The following TMEM238 variants were observed in gnomAD, a reference collection of about 807,000 sequenced individuals.
The protein encoded by TMEM238 is transmembrane protein 238.
For synonymous variants in TMEM238, 103 were observed against 111.5 expected (o/e 0.92, Z 0.48); for missense variants, 169 against 206.8 (o/e 0.82, Z 1.12).
rs2089892649 is a variant in TMEM238 at position 55,383,096 on chromosome 19, C to G, written c.*7+626G>C. ...TGGAGAGGATTAAATGGGGCCTGGT[C>G]TGGGCTCAGTGGCTCACGCCTGTAA... On this transcript the variant is annotated intron_variant, in intron 1 of 1. Coordinates refer to ENST00000444469, the MANE Select transcript of TMEM238 (RefSeq NM_001190764.2). This position sits in a 1 kb window ranked among gnomAD's most constrained non-coding sequence, Gnocchi z 4.9. Among the ~76,000 whole-genome samples, 1 of 151,664 alleles carries G rather than the reference C, an allele frequency of 6.6e-6. No homozygotes were observed. Among genetic ancestry groups the G allele is most frequent in the African/African-American group, 2.4e-5 (1 of 41,288 alleles).
At chr19:55,382,394 C>T (rs1157344221) in intron 1 of TMEM238, among the ~76,000 whole-genome samples, 2 of 152,218 alleles carry the variant, frequency 1.3e-5, no homozygotes, top group African/African-American at 2.4e-5. Context: ...CAAGGCACTC[C>T]CTGTCAGGTG....
intron 1 of TMEM238, 137 bp from the exon 2 acceptor site, chr19:55,379,504 CCTT>C (rs1237770724): frequency 2.6e-5 from 4 of 152,306 alleles, no homozygotes; most frequent in Non-Finnish European, 5.9e-5. Flanking sequence ...CACACTTGCT[CCTT>C]CATCCCTGCA....
At chr19:55,380,979 G>A (rs186809270) in intron 1 of TMEM238, among the ~76,000 whole-genome samples, 72 of 152,256 alleles carry the variant, frequency 4.7e-4, no homozygotes, top group Non-Finnish European at 9.7e-4. Flanking sequence ...GTTAGCTTAC[G>A]CTTCACCCGT....
At chr19:55,381,103 A>T (rs111260854) in intron 1 of TMEM238, among the ~76,000 whole-genome samples, 9 of 152,230 alleles carry the variant, frequency 5.9e-5, no homozygotes, top group African/African-American at 2.2e-4. Flanking sequence ...TATAACTGGT[A>T]GCATTCTGGA....
intron 1 of TMEM238, among the ~76,000 whole-genome samples, chr19:55,381,889 C>T (rs2089888407): frequency 6.6e-6 from 1 of 152,158 alleles, no homozygotes; most frequent in Non-Finnish European, 1.5e-5. Flanking sequence ...AGGCAGGGCT[C>T]CCTCTCCAAC....
intron 1 of TMEM238, among the ~76,000 whole-genome samples, chr19:55,382,577 G>A (rs1189619772): frequency 6.6e-6 from 1 of 152,044 alleles, no homozygotes; most frequent in East Asian, 1.9e-4. Context: ...GTGTAGAGAA[G>A]AGCAGGAACA....
At position 55,384,181 on chromosome 19, in the gene TMEM238, G is replaced by T; in HGVS notation, c.79C>A (p.Pro27Thr). 2 of 1,178,890 alleles carry T rather than the reference G, an allele frequency of 1.7e-6. No homozygotes were observed. Among genetic ancestry groups the T allele is most frequent in the Non-Finnish European group, 1.0e-6 (1 of 958,490 alleles). 73.0% of individuals were successfully genotyped at this position (1,178,890 alleles called of 1,614,324 possible). A position where few individuals can be genotyped will look rare whatever the true frequency, so the allele number is the denominator to read the frequency against. Residue 27 changes from proline to threonine, a missense_variant, in exon 1 of 2, where the codon CCC becomes ACC. Physicochemically the swap from Pro to Thr is conservative, Grantham distance 38. Transcript: ENST00000444469. The surrounding 1 kb of genome is among the most constrained non-coding windows in gnomAD (Gnocchi z 5.6). Reference protein sequence around the residue: ...APSAPAAAPAPAAGLGRCRMA... With the variant: ...APSAPAAAPATAAGLGRCRMA... ...CGGCAGCGGCCCAGGCCGGCCGCGG[G>T]TGCTGGCGCGGCCGCCGGCGCGGAC... is the stretch of plus-strand genomic sequence containing the variant.
chr19:55,384,200 C>A lies in TMEM238; in HGVS notation c.60G>T (p.Ala20=). The change falls in exon 1 of 2, where the codon GCG becomes GCT. Residue 20 remains alanine, a synonymous_variant. Coordinates refer to ENST00000444469, the MANE Select transcript of TMEM238 (RefSeq NM_001190764.2). The surrounding 1 kb of genome is among the most constrained non-coding windows in gnomAD (Gnocchi z 5.6). ...SQGSPPGAPS[A]PAAAPAPAAG... Reference sequence around the variant, plus strand: ...CCGCGGGTGCTGGCGCGGCCGCCGGCGCGGACGGTGCACCCGGCGGGCTCC... The same window carrying A: ...CCGCGGGTGCTGGCGCGGCCGCCGGAGCGGACGGTGCACCCGGCGGGCTCC... 8.6e-7 allele frequency: 1 copy of A among 1,166,474 alleles called. No individual in the cohort carries two copies. 72.3% of individuals were successfully genotyped at this position (1,166,474 alleles called of 1,614,324 possible).
chr19:55,384,021 A>G lies in TMEM238; in HGVS notation c.239T>C (p.Phe80Ser), dbSNP rs1489708044. 1 of 1,478,900 alleles carries G rather than the reference A, an allele frequency of 6.8e-7. No individual in the cohort carries two copies. The highest frequency in any genetic ancestry group is 9.0e-7 in the Non-Finnish European group (1 of 1,112,654). The allele number at this position is 1,478,900 out of a possible 1,614,324, so 91.6% of individuals were successfully genotyped here. ...GAGGATCCAGCCCAGCAGGCTCAGG[A>G]ACACCAGCAGCGCGCCCGAGTAGAT... is the stretch of plus-strand genomic sequence containing the variant. ...LLIYSGALLV[F>S]LSLLGWILWY... is the part of the protein sequence containing the mutation. Residue 80 changes from phenylalanine (F) to serine (S), a missense_variant, in exon 1 of 2, where the codon TTC becomes TCC. Coordinates refer to ENST00000444469, the MANE Select transcript of TMEM238 (RefSeq NM_001190764.2). The surrounding 1 kb of genome is among the most constrained non-coding windows in gnomAD (Gnocchi z 5.6).
At chr19:55,380,978 C>T (rs900144819) in intron 1 of TMEM238, among the ~76,000 whole-genome samples, 4 of 152,174 alleles carry the variant, frequency 2.6e-5, no homozygotes, top group African/African-American at 7.2e-5. Flanking sequence ...TGTTAGCTTA[C>T]GCTTCACCCG....
rs1335925127 is a variant in TMEM238 at position 55,379,830 on chromosome 19, C to T, written c.*8-463G>A. On this transcript the variant is annotated intron_variant, in intron 1 of 1. Transcript: ENST00000444469. Reference sequence around the variant, plus strand: ...GGATCACTTGAGCCCAGGAGTTTGACACCAGCCTGGGTAACATAGGAAGAC... The same window carrying T: ...GGATCACTTGAGCCCAGGAGTTTGATACCAGCCTGGGTAACATAGGAAGAC... Among the ~76,000 whole-genome samples, 5 of 151,964 alleles carry T rather than the reference C, an allele frequency of 3.3e-5. No homozygotes were observed. In the South Asian group the frequency reaches 6.2e-4, roughly 19 times the overall value.
At chr19:55,381,112 G>A (rs2089884971) in intron 1 of TMEM238, among the ~76,000 whole-genome samples, 1 of 151,964 alleles carries the variant, frequency 6.6e-6, no homozygotes, top group African/African-American at 2.4e-5. Context: ...TAGCATTCTG[G>A]ATGCATAGGA....
chr19:55,379,588 G>C (rs2089876633), intron 1 of TMEM238, among the ~76,000 whole-genome samples: 1 of 152,156 alleles, frequency 6.6e-6, no homozygotes, highest in African/African-American at 2.4e-5. Flanking sequence ...TAGAGGCCAG[G>C]GAATGCGAGC....
rs1291948870 is a variant in TMEM238, at chr19:55,384,089, G to C, written c.171C>G (p.Phe57Leu). 2 of 1,470,488 alleles carry C rather than the reference G, an allele frequency of 1.4e-6. No individual in the cohort carries two copies. Among genetic ancestry groups the C allele is most frequent in the African/African-American group, 2.9e-5 (2 of 69,462 alleles). The allele number at this position is 1,470,488 out of a possible 1,614,324, so 91.1% of individuals were successfully genotyped here. ...AGMAALLTGVFAQLQVRGRDF... is the reference protein window; with the variant it reads ...AGMAALLTGVLAQLQVRGRDF... ...CGCGGCCGCGCACCTGCAGCTGCGC[G>C]AACACGCCGGTCAGCAGCGCCGCCA... Residue 57 changes from phenylalanine to leucine, a missense_variant, in exon 1 of 2, where the codon TTC becomes TTG. Transcript: ENST00000444469. This position sits in a 1 kb window ranked among gnomAD's most constrained non-coding sequence, Gnocchi z 5.6.
intron 1 of TMEM238, among the ~76,000 whole-genome samples, chr19:55,381,094 A>G (rs1376261737): frequency 6.6e-6 from 1 of 152,154 alleles, no homozygotes; most frequent in Non-Finnish European, 1.5e-5. Context: ...AGAATAATAT[A>G]TAACTGGTAG....
chr19:55,381,865 C>T (rs1444531868), intron 1 of TMEM238, among the ~76,000 whole-genome samples: 1 of 152,182 alleles, frequency 6.6e-6, no homozygotes, highest in Non-Finnish European at 1.5e-5. Context: ...AGGAAAAGCT[C>T]TTGCCCCTTT....
At chr19:55,382,361 G>A (rs573681973) in intron 1 of TMEM238, among the ~76,000 whole-genome samples, 1 of 152,302 alleles carries the variant, frequency 6.6e-6, no homozygotes, top group African/African-American at 2.4e-5. Context: ...GAACAAGGAC[G>A]CTAGGGACCT....
chr19:55,383,988 G>C lies in TMEM238; in HGVS notation c.272C>G (p.Thr91Ser). ...CTGGCGCGAGATCTCGATGTTGCCGGTGTACCAGAGGATCCAGCCCAGCAG... is the reference window on the plus strand; with the variant it reads ...CTGGCGCGAGATCTCGATGTTGCCGCTGTACCAGAGGATCCAGCCCAGCAG... ...LSLLGWILWYTGNIEISRQEL... is the reference protein window; with the variant it reads ...LSLLGWILWYSGNIEISRQEL... Residue 91 changes from threonine (T) to serine (S), a missense_variant, in exon 1 of 2, where the codon ACC (threonine) becomes AGC (serine). By Grantham distance (58) the Thr-to-Ser change is moderately conservative. Coordinates refer to ENST00000444469, the MANE Select transcript of TMEM238 (RefSeq NM_001190764.2). This position sits in a 1 kb window ranked among gnomAD's most constrained non-coding sequence, Gnocchi z 4.9. The C allele has an allele frequency of 7.0e-7, 1 of 1,431,688 alleles. No individual in the cohort carries two copies. 88.7% of individuals were successfully genotyped at this position (1,431,688 alleles called of 1,614,324 possible).
intron 1 of TMEM238, among the ~76,000 whole-genome samples, chr19:55,381,617 C>T (rs573563179): frequency 3.3e-5 from 5 of 152,092 alleles, no homozygotes; most frequent in Non-Finnish European, 7.4e-5. Flanking sequence ...ACTACCCATT[C>T]ACCCATCTAC....
Sources: gnomAD v4.1 joint callset for allele counts (sites outside exome capture counted in the v4.1 genomes callset) on GRCh38, gnomAD v4.1.1 for gene constraint, Gnocchi (gnomAD v3.1) non-coding constraint, MANE v1.5 for transcripts, NCBI Gene and HGNC (gene_info 2026-07-23, HGNC 2026-07-21) for gene names.